Variants in DGCR2 observed in about 807,000 individuals in gnomAD.
DGCR2 encodes DiGeorge syndrome critical region gene 2.
Under a neutral mutation model 51.6 loss-of-function variants are expected in DGCR2, and 24 were observed. The observed-to-expected ratio is 0.47, with a 90% CI of 0.34 to 0.65. DGCR2 has a LOEUF of 0.65. Ranked by LOEUF, DGCR2 falls within the 30% of genes least tolerant of loss-of-function variation. The pLI is 0.01. For missense variants in DGCR2, 765 were observed against 772.1 expected (o/e 0.99, Z 0.11); for synonymous variants, 340 against 315.4 (o/e 1.08, Z -0.82).
chr22:19,044,026 G>A (rs912752871), intron 7 of DGCR2, among the ~76,000 whole-genome samples: 7 of 152,210 alleles, frequency 4.6e-5, no homozygotes, highest in African/African-American at 1.7e-4. Flanking sequence ...TGACGTGCCT[G>A]TTCATTGGAG....
chr22:19,103,119 T>C (rs2083221811), intron 1 of DGCR2, among the ~76,000 whole-genome samples: 1 of 152,106 alleles, frequency 6.6e-6, no homozygotes, highest in Non-Finnish European at 1.5e-5. Flanking sequence ...GAAAACATAA[T>C]GCTAAGTGAA....
chr22:19,055,067 A>G (rs528741033), intron 6 of DGCR2, among the ~76,000 whole-genome samples: 2 of 152,250 alleles, frequency 1.3e-5, no homozygotes, highest in East Asian at 3.9e-4. Flanking sequence ...AGTGAGCTGA[A>G]ATCACGTCAC....
intron 7 of DGCR2, among the ~76,000 whole-genome samples, chr22:19,042,258 A>G (rs2082440901): frequency 6.6e-6 from 1 of 152,204 alleles, no homozygotes; most frequent in Non-Finnish European, 1.5e-5. Context: ...TTCCTGTCCT[A>G]GGACTAGCAC....
chr22:19,083,708 C>T (rs1019792699), intron 2 of DGCR2, among the ~76,000 whole-genome samples: 1 of 129,722 alleles, frequency 7.7e-6, no homozygotes, highest in Admixed American at 8.2e-5. Context: ...TCCCCCTCCC[C>T]CTCTCCCTCT....
rs141684076 is a variant in DGCR2, at chr22:19,087,005, ACT to A, written c.202+2361_202+2362del. The stretch of plus-strand genomic sequence containing the variant: ...ATGGCACTTTGAGAACAACAAATAA[ACT>A]CTGCTTCCATTTGAAAGCAAACCAA... On this transcript the variant is annotated intron_variant, in intron 2 of 9. Transcript: ENST00000263196. Among the ~76,000 whole-genome samples the A allele has an allele frequency of 4.9e-4, 74 of 152,114 alleles. No individual in the cohort carries two copies. In the East Asian group the frequency reaches 0.011, roughly 23 times the overall value.
chr22:19,041,122 G>A lies in DGCR2; in HGVS notation c.1332C>T (p.Pro444=), dbSNP rs555507858. The change falls in exon 9 of 10, where the codon CCC becomes CCT. Residue 444 remains proline (P), a synonymous_variant. Coordinates refer to ENST00000263196, the MANE Select transcript of DGCR2 (RefSeq NM_005137.3). ...TAYKYPDIGQ[P]DDPPPPYEAS... ...CCTCGTAGGGCGGCGGAGGGTCGTC[G>A]GGCTGGCCGATGTCCGGGTACTTGT... 77 of 1,613,908 alleles carry A rather than the reference G, an allele frequency of 4.8e-5. No individual in the cohort carries two copies. The South Asian group carries it at 5.4e-4, about 11-fold the overall frequency.
intron 1 of DGCR2, among the ~76,000 whole-genome samples, chr22:19,117,271 A>G (rs958236869): frequency 2.6e-5 from 4 of 152,268 alleles, no homozygotes; most frequent in Non-Finnish European, 2.9e-5. Flanking sequence ...GAAGTGGAGC[A>G]GCGAAGGCGC....
chr22:19,043,812 A>C (rs1001344421), intron 7 of DGCR2, among the ~76,000 whole-genome samples: 3 of 152,300 alleles, frequency 2.0e-5, no homozygotes, highest in Middle Eastern at 3.4e-3. Context: ...GCCCACACAG[A>C]TGGCAGCGCC....
chr22:19,114,266 G>A (rs1476285108), intron 1 of DGCR2, among the ~76,000 whole-genome samples: 1 of 151,972 alleles, frequency 6.6e-6, no homozygotes, highest in Non-Finnish European at 1.5e-5. Flanking sequence ...AATATTCTAT[G>A]TATGAATGTT....
intron 1 of DGCR2, among the ~76,000 whole-genome samples, chr22:19,117,618 T>G (rs572511771): frequency 6.0e-4 from 91 of 152,318 alleles, no homozygotes; most frequent in African/African-American, 2.1e-3. Context: ...TACACAGATA[T>G]GCACATACAC....
chr22:19,076,723 C>CTTTTTTTTTTTT (rs1228247995), intron 2 of DGCR2, among the ~76,000 whole-genome samples: 1 of 118,762 alleles, frequency 8.4e-6, no homozygotes, highest in African/African-American at 3.2e-5. Flanking sequence ...GTCCTTTGCA[C>CTTTTTTTTTTTT]ATTTTTTTTT....
At chr22:19,069,950 C>T (rs1376287726) in intron 2 of DGCR2, among the ~76,000 whole-genome samples, 1 of 152,188 alleles carries the variant, frequency 6.6e-6, no homozygotes, top group African/African-American at 2.4e-5. Context: ...AAGGGAGAAG[C>T]ATCTTCAAGG....
At chr22:19,093,011 G>A (rs923093218) in intron 1 of DGCR2, among the ~76,000 whole-genome samples, 30 of 151,912 alleles carry the variant, frequency 2.0e-4, no homozygotes, top group African/African-American at 7.3e-4. Flanking sequence ...GGAGGAGGAG[G>A]AGGAAGAAAG....
chr22:19,063,134 G>A, intron 5 of DGCR2, 68 bp downstream of exon 5: 2 of 1,449,080 alleles, frequency 1.4e-6, no homozygotes, highest in South Asian at 1.2e-5. Context: ...TAAGAGGGAG[G>A]AGGGGAGGCC....
At chr22:19,089,977 G>A (rs1232735860) in intron 1 of DGCR2, among the ~76,000 whole-genome samples, 1 of 152,238 alleles carries the variant, frequency 6.6e-6, no homozygotes, top group Non-Finnish European at 1.5e-5. Context: ...CTGAGTAGCT[G>A]CAGAAAAGAC....
chr22:19,089,536 C>T (rs2800960), intron 1 of DGCR2, 46 bp from the exon 2 acceptor site: 1,348,622 of 1,470,086 alleles, frequency 0.92, 619,209 homozygotes, highest in African/African-American at 0.98. Flanking sequence ...TGGCAGTAGG[C>T]CAGCAAACCA....
intron 7 of DGCR2, among the ~76,000 whole-genome samples, chr22:19,045,770 A>C (rs1025747805): frequency 6.6e-6 from 1 of 152,186 alleles, no homozygotes; most frequent in Non-Finnish European, 1.5e-5. Flanking sequence ...TCTGTCACCC[A>C]GGCTGGAGTA....
chr22:19,052,655 C>G (rs1192242868), intron 6 of DGCR2, among the ~76,000 whole-genome samples: 1 of 151,564 alleles, frequency 6.6e-6, no homozygotes, highest in Non-Finnish European at 1.5e-5. Context: ...GTGGCATGCA[C>G]CTGTGGTCCC....
At chr22:19,093,131 C>T (rs1048812795) in intron 1 of DGCR2, among the ~76,000 whole-genome samples, 2 of 152,080 alleles carry the variant, frequency 1.3e-5, no homozygotes, top group African/African-American at 4.8e-5. Context: ...GAGCCTGAGG[C>T]GGGTAGATCA....
Sources: gnomAD v4.1 joint callset for allele counts (sites outside exome capture counted in the v4.1 genomes callset) on GRCh38, gnomAD v4.1.1 for gene constraint, MANE v1.5 for transcripts, NCBI Gene and HGNC (gene_info 2026-07-23, HGNC 2026-07-21) for gene names.